Variants in NSD2 observed in about 807,000 individuals in gnomAD.
NSD2 encodes the protein nuclear receptor binding SET domain protein 2, also known as histone-lysine N-methyltransferase NSD2.
NSD2 carries 12 observed loss-of-function variants against 139.0 expected under a neutral mutation model. That is an observed-to-expected ratio of 0.09 (90% CI 0.06 to 0.14). The LOEUF (loss-of-function observed/expected upper bound fraction) is 0.14. Among genes scored for constraint, NSD2 ranks in the 10% least tolerant of loss-of-function variants. NSD2 has a pLI of 1.00. For synonymous variants in NSD2, 669 were observed against 648.7 expected, an observed-to-expected ratio of 1.03 and a Z score of -0.48; for missense variants, 1,155 against 1,745.0, an observed-to-expected ratio of 0.66 and a Z score of 6.02.
At position 1,979,041 on chromosome 4, in the gene NSD2, G is replaced by A. The variant is rs756306584; in HGVS notation, c.*132G>A. On this transcript the variant is annotated 3_prime_UTR_variant, in exon 22 of 22. Coordinates refer to ENST00000508803, the MANE Select transcript of NSD2 (RefSeq NM_001042424.3). ...AGGACACAGACGTACAGGCCTCCTC[G>A]GGAGGGAGCGCCTCCCCACCACTGA... is the stretch of plus-strand genomic sequence containing the variant. 12 of 1,201,284 alleles carry A rather than the reference G, an allele frequency of 1.0e-5. No individual in the cohort carries two copies. The highest frequency in any genetic ancestry group is 1.9e-5 in the South Asian group (1 of 53,012). The allele number at this position is 1,201,284 out of a possible 1,614,324, so 74.4% of individuals were successfully genotyped here.
intron 9 of NSD2, chr4:1,939,989 GCACA>G (rs1241262396): frequency 7.0e-7 from 1 of 1,420,474 alleles, no homozygotes; most frequent in East Asian, 2.6e-5. Flanking sequence ...TTATACACAC[GCACA>G]CAGTGTCTGT....
At chr4:1,978,491 G>A (rs1193620627) in intron 21 of NSD2, 147 bp from the exon 22 acceptor site, 1 of 1,179,684 alleles carries the variant, frequency 8.5e-7, no homozygotes, top group African/African-American at 1.5e-5. Flanking sequence ...GGCTGTGGTA[G>A]ACAGTTTGTC....
chr4:1,906,098 A>G (rs1412976692), intron 3 of NSD2, among the ~76,000 whole-genome samples: 2 of 152,280 alleles, frequency 1.3e-5, no homozygotes, highest in East Asian at 3.9e-4. Flanking sequence ...GCACACAAGC[A>G]GCTCTTACTG....
Position 1,916,851 on chromosome 4 carries a change from C to T in NSD2, c.761-20C>T. ...CCAGATTCTAACTTTCATTCTCTAA[C>T]ATTTTATTTTAAAAACTAGGTCAGA... On this transcript the variant is annotated intron_variant, in intron 3 of 21. Coordinates refer to ENST00000508803, the MANE Select transcript of NSD2 (RefSeq NM_001042424.3). 6.3e-7 allele frequency: 1 copy of T among 1,584,174 alleles called. No individual in the cohort carries two copies. The highest frequency in any genetic ancestry group is 8.6e-7 in the Non-Finnish European group (1 of 1,167,200).
chr4:1,911,005 C>T (rs941753490), intron 3 of NSD2, among the ~76,000 whole-genome samples: 11 of 152,026 alleles, frequency 7.2e-5, no homozygotes, highest in Non-Finnish European at 1.6e-4. Context: ...TCTCTTCCCT[C>T]CCTGGAGCTT....
At chr4:1,888,965 T>A (rs1715328649) in intron 1 of NSD2, among the ~76,000 whole-genome samples, 1 of 150,964 alleles carries the variant, frequency 6.6e-6, no homozygotes, top group Non-Finnish European at 1.5e-5. Context: ...TGGCATGATC[T>A]CGGCTCACTT....
chr4:1,982,156 T>C lies in NSD2; in HGVS notation c.*3247T>C. 2.6e-6 allele frequency: 1 copy of C among 390,814 alleles called. No individual in the cohort carries two copies. The highest frequency in any genetic ancestry group is 3.6e-5 in the East Asian group (1 of 27,658). 24.2% of individuals were successfully genotyped at this position (390,814 alleles called of 1,614,324 possible). The stretch of plus-strand genomic sequence containing the variant: ...ATGGAAAGCTGTGTTTGGAAAATTG[T>C]GTATGAGTATTTTTGTATTAAAAAC... On this transcript the variant is annotated 3_prime_UTR_variant, in exon 22 of 22. Transcript: ENST00000508803.
At chr4:1,964,048 C>T (rs1035786234) in intron 18 of NSD2, among the ~76,000 whole-genome samples, 2 of 152,172 alleles carry the variant, frequency 1.3e-5, no homozygotes, top group South Asian at 4.2e-4. Context: ...GTTTACAAAG[C>T]GCAATAGAAG....
At chr4:1,890,584 A>C (rs942652764) in intron 1 of NSD2, among the ~76,000 whole-genome samples, 14 of 150,720 alleles carry the variant, frequency 9.3e-5, no homozygotes, top group African/African-American at 3.2e-4. Context: ...TACAGGCGTG[A>C]GTCACCGCAC....
chr4:1,945,073 G>T, intron 9 of NSD2: 1 of 1,066,244 alleles, frequency 9.4e-7, no homozygotes, highest in Non-Finnish European at 1.1e-6. Context: ...CTGTCCCACT[G>T]CTGCTTCTTG....
chr4:1,900,940 G>T lies in NSD2; in HGVS notation c.286G>T (p.Ala96Ser), dbSNP rs1263035862. ...VFNGEPGAHD[A>S]KLRFESQEMK... ...TAATGGAGAACCCGGCGCACACGATGCCAAACTGCGTTTTGAGTCCCAGGA... is the reference window on the plus strand; with the variant it reads ...TAATGGAGAACCCGGCGCACACGATTCCAAACTGCGTTTTGAGTCCCAGGA... The change falls in exon 2 of 22, where the codon GCC (alanine) becomes TCC (serine). Residue 96 changes from alanine to serine, a missense_variant. Transcript: ENST00000508803. 1.9e-6 allele frequency: 3 copies of T among 1,614,058 alleles called. No individual in the cohort carries two copies. The highest frequency in any genetic ancestry group is 1.3e-5 in the African/African-American group (1 of 74,924).
At chr4:1,967,201 C>T (rs1354552244) in intron 18 of NSD2, among the ~76,000 whole-genome samples, 1 of 152,092 alleles carries the variant, frequency 6.6e-6, no homozygotes, top group Non-Finnish European at 1.5e-5. Context: ...TTCCTAGAAA[C>T]ACAAACTACC....
intron 5 of NSD2, among the ~76,000 whole-genome samples, chr4:1,924,374 C>T (rs1720570245): frequency 6.6e-6 from 1 of 151,932 alleles, no homozygotes; most frequent in African/African-American, 2.4e-5. Flanking sequence ...TGGGAACCGC[C>T]CCGTCAGCCA....
At position 1,981,436 on chromosome 4, in the gene NSD2, C is replaced by T. The variant is rs765475715; in HGVS notation, c.*2527C>T. ...TTCCTGAACATCAGCTTCAATCCTC[C>T]ATCATTAATGTGAAGCAAAACACAA... is the stretch of plus-strand genomic sequence containing the variant. On this transcript the variant is annotated 3_prime_UTR_variant, in exon 22 of 22. Coordinates refer to ENST00000508803, the MANE Select transcript of NSD2 (RefSeq NM_001042424.3). 5.1e-5 allele frequency: 12 copies of T among 234,650 alleles called. No individual in the cohort carries two copies. Among genetic ancestry groups the T allele is most frequent in the Non-Finnish European group, 1.0e-4 (12 of 119,136 alleles). The allele number at this position is 234,650 out of a possible 1,614,324, so 14.5% of individuals were successfully genotyped here.
Position 1,955,082 on chromosome 4 carries a change from T to A in NSD2, c.2339-79T>A, listed in dbSNP as rs2108956234. On this transcript the variant is annotated intron_variant, in intron 12 of 21. Transcript: ENST00000508803. This position sits in a 1 kb window ranked among gnomAD's most constrained non-coding sequence, Gnocchi z 4.7. ...ATTAACTTTTCAAATTCATGGAGGC[T>A]GAGTAATTATTAGTTGCTCTTTTCA... 2 of 1,403,782 alleles carry A rather than the reference T, an allele frequency of 1.4e-6. No homozygotes were observed. Among genetic ancestry groups the A allele is most frequent in the East Asian group, 4.7e-5 (2 of 42,986 alleles). The allele number at this position is 1,403,782 out of a possible 1,614,324, so 87.0% of individuals were successfully genotyped here.
At chr4:1,946,777 G>A (rs1352536030) in intron 9 of NSD2, 7 of 1,050,944 alleles carry the variant, frequency 6.7e-6, no homozygotes, top group African/African-American at 6.6e-5. Context: ...TCCTATACTG[G>A]ATGAGCAAGG....
rs751874982 is a variant in NSD2, at chr4:1,975,353, C to T, written c.3574C>T (p.Arg1192Trp). ...TCTGGGCAATGAAAAAACGGTCTGC[C>T]GGTGTGGAGCCTCCAATTGCAGTGG... The part of the protein sequence containing the change: ...DCLGNEKTVC[R>W]CGASNCSGFL... Residue 1192 changes from arginine (R) to tryptophan (W), a missense_variant, in exon 20 of 22, where the codon CGG becomes TGG. Physicochemically the swap from Arg to Trp is moderately radical, Grantham distance 101 (BLOSUM62 -3). Transcript: ENST00000508803. 3 of 1,614,178 alleles carry T rather than the reference C, an allele frequency of 1.9e-6. No individual in the cohort carries two copies. Among genetic ancestry groups the T allele is most frequent in the South Asian group, 1.1e-5 (1 of 91,080 alleles).
At position 1,956,273 on chromosome 4, in the gene NSD2, T is replaced by C. The variant is rs1029775613; in HGVS notation, c.2881+85T>C. ...TTTCTATTTTTTAAAATTTGATCTTTATAGAAAATACTGGACTAAGCATTC... is the reference window on the plus strand; with the variant it reads ...TTTCTATTTTTTAAAATTTGATCTTCATAGAAAATACTGGACTAAGCATTC... On this transcript the variant is annotated intron_variant, in intron 15 of 21. Coordinates refer to ENST00000508803, the MANE Select transcript of NSD2 (RefSeq NM_001042424.3). The surrounding 1 kb of genome is among the most constrained non-coding windows in gnomAD (Gnocchi z 5.3). 25 of 1,248,214 alleles carry C rather than the reference T, an allele frequency of 2.0e-5. No homozygotes were observed. Among genetic ancestry groups the C allele is most frequent in the East Asian group, 1.9e-4 (8 of 41,244 alleles). The allele number at this position is 1,248,214 out of a possible 1,614,324, so 77.3% of individuals were successfully genotyped here.
intron 9 of NSD2, chr4:1,946,642 C>G (rs1259686981): frequency 9.7e-7 from 1 of 1,034,474 alleles, no homozygotes; most frequent in Non-Finnish European, 1.2e-6. Flanking sequence ...TGGTTTTGAT[C>G]CCTTTGGGTA....
Sources: allele counts gnomAD v4.1 joint callset (sites outside exome capture counted in the v4.1 genomes callset), GRCh38; gene constraint gnomAD v4.1.1; non-coding constraint Gnocchi (gnomAD v3.1); transcripts MANE v1.5; gene names NCBI Gene and HGNC (gene_info 2026-07-23, HGNC 2026-07-21).